FHIP1A: variants seen among roughly 807,000 people sequenced by gnomAD.
FHIP1A encodes the protein FHF complex subunit HOOK interacting protein 1A.
A neutral mutation model predicts 88.6 loss-of-function variants in FHIP1A; 61 were observed. The ratio of observed to expected loss-of-function variants is 0.69; its 90% CI spans 0.56 to 0.85. The LOEUF (loss-of-function observed/expected upper bound fraction) is 0.85. Ranked by LOEUF, FHIP1A falls within the 40% of genes least tolerant of loss-of-function variation. The probability of loss-of-function intolerance (pLI) is 0.00; values close to 1 mark genes in which losing one functional copy is unlikely to be tolerated. For synonymous variants in FHIP1A, 478 were observed against 496.0 expected, an observed-to-expected ratio of 0.96 and a Z score of 0.48; for missense variants, 1,154 against 1,273.5, an observed-to-expected ratio of 0.91 and a Z score of 1.43.
At chr4:151,431,647 T>G (rs2126541068) in intron 1 of FHIP1A, among the ~76,000 whole-genome samples, 1 of 152,348 alleles carries the variant, frequency 6.6e-6, no homozygotes, top group South Asian at 2.1e-4. Flanking sequence ...GTTCACTGGA[T>G]GAGCACTGCA....
intron 2 of FHIP1A, among the ~76,000 whole-genome samples, chr4:151,480,247 A>T (rs917802634): frequency 2.0e-5 from 3 of 152,040 alleles, no homozygotes; most frequent in Non-Finnish European, 4.4e-5. Flanking sequence ...ATGGTAAAAT[A>T]TAAGAGTGGT....
At chr4:151,660,846 A>G (rs1223750997) in intron 13 of FHIP1A, among the ~76,000 whole-genome samples, 2 of 152,250 alleles carry the variant, frequency 1.3e-5, no homozygotes, top group Non-Finnish European at 2.9e-5. Context: ...ACACCCATTC[A>G]GAGGTCCCTG....
chr4:151,450,441 C>T (rs966095010), intron 1 of FHIP1A, among the ~76,000 whole-genome samples: 4 of 151,924 alleles, frequency 2.6e-5, no homozygotes, highest in South Asian at 2.1e-4. Context: ...ATGGATATAC[C>T]GTTATTTATT....
chr4:151,502,356 T>C (rs1355102021), intron 3 of FHIP1A, among the ~76,000 whole-genome samples: 2 of 145,768 alleles, frequency 1.4e-5, no homozygotes, highest in African/African-American at 5.1e-5. Context: ...ACAAACAAAC[T>C]AAAGGAAATC....
chr4:151,555,046 TC>T (rs1187949216), intron 3 of FHIP1A, among the ~76,000 whole-genome samples: 1 of 152,122 alleles, frequency 6.6e-6, no homozygotes, highest in South Asian at 2.1e-4. Flanking sequence ...TTTGTGGTTC[TC>T]CCCCCAATCA....
At chr4:151,580,583 T>G (rs1733983800) in intron 5 of FHIP1A, among the ~76,000 whole-genome samples, 1 of 152,230 alleles carries the variant, frequency 6.6e-6, no homozygotes, top group South Asian at 2.1e-4. Flanking sequence ...ACTGAATATT[T>G]GCCTACTGTG....
intron 5 of FHIP1A, among the ~76,000 whole-genome samples, chr4:151,579,228 C>T (rs570289400): frequency 6.0e-4 from 92 of 152,198 alleles, no homozygotes; most frequent in South Asian, 4.6e-3. Context: ...ACTGAGTGAG[C>T]GCTCATGTAA....
Position 151,566,287 on chromosome 4 carries a change from A to T in FHIP1A, c.28A>T (p.Lys10Ter). MMSSVSTES[K>*]LQQAVSLQGV... ...GATGTCATCGGTTTCGACAGAAAGC[A>T]AACTCCAGCAGGCTGTGAGCCTACA... is the stretch of plus-strand genomic sequence containing the variant. The change falls in exon 4 of 14, where the codon AAA (lysine) becomes TAA (stop). Residue 10 changes from lysine (K) to a stop codon, truncating the protein, a stop_gained. Coordinates refer to ENST00000435205, the MANE Select transcript of FHIP1A (RefSeq NM_001109977.3). LOFTEE classifies it high-confidence loss of function. The T allele has an allele frequency of 6.4e-7, 1 of 1,550,680 alleles. No homozygotes were observed. The highest frequency in any genetic ancestry group is 8.7e-7 in the Non-Finnish European group (1 of 1,146,250).
intron 5 of FHIP1A, among the ~76,000 whole-genome samples, chr4:151,584,573 C>A (rs1049701347): frequency 1.3e-5 from 2 of 152,062 alleles, no homozygotes; most frequent in Admixed American, 6.6e-5. Context: ...GCTTGAGGTC[C>A]CATCTACATG....
At chr4:151,625,466 C>G (rs1735917535) in intron 7 of FHIP1A, among the ~76,000 whole-genome samples, 1 of 152,166 alleles carries the variant, frequency 6.6e-6, no homozygotes, top group Non-Finnish European at 1.5e-5. Context: ...ACACATAAAC[C>G]TGCCATTACA....
intron 3 of FHIP1A, among the ~76,000 whole-genome samples, chr4:151,523,865 T>G (rs1236347540): frequency 6.6e-6 from 1 of 152,216 alleles, no homozygotes; most frequent in East Asian, 1.9e-4. Flanking sequence ...TTAATTGACA[T>G]AAGTGCAGCC....
chr4:151,602,099 C>T (rs767662349), intron 7 of FHIP1A, among the ~76,000 whole-genome samples: 11 of 152,038 alleles, frequency 7.2e-5, no homozygotes, highest in Admixed American at 1.3e-4. Context: ...GTCCTTCCCA[C>T]GACATGTGGG....
intron 4 of FHIP1A, among the ~76,000 whole-genome samples, chr4:151,568,012 A>G (rs1232228434): frequency 6.6e-6 from 1 of 152,126 alleles, no homozygotes; most frequent in Non-Finnish European, 1.5e-5. Context: ...GCCACTTCCC[A>G]AAGACATGAT....
chr4:151,595,390 A>G (rs999573048), intron 7 of FHIP1A, among the ~76,000 whole-genome samples: 1 of 152,156 alleles, frequency 6.6e-6, no homozygotes, highest in African/African-American at 2.4e-5. Flanking sequence ...GGTTGGTCTG[A>G]GAGACTGTTA....
At chr4:151,592,087 T>A (rs1001448112) in intron 7 of FHIP1A, among the ~76,000 whole-genome samples, 2 of 152,202 alleles carry the variant, frequency 1.3e-5, no homozygotes, top group African/African-American at 4.8e-5. Flanking sequence ...CCGCCAACAG[T>A]ATAAAAGTGC....
At chr4:151,428,988 T>C (rs1297604107) in intron 1 of FHIP1A, among the ~76,000 whole-genome samples, 3 of 152,258 alleles carry the variant, frequency 2.0e-5, no homozygotes, top group East Asian at 1.9e-4. Flanking sequence ...GTATCTTTTT[T>C]TCCCATTGGA....
intron 1 of FHIP1A, among the ~76,000 whole-genome samples, chr4:151,422,931 C>A (rs1733230610): frequency 1.3e-5 from 2 of 152,188 alleles, no homozygotes; most frequent in East Asian, 3.8e-4. Context: ...TAGCCCCTCT[C>A]TTTCTAAGCT....
intron 3 of FHIP1A, among the ~76,000 whole-genome samples, chr4:151,537,615 T>C (rs2126722032): frequency 6.6e-6 from 1 of 152,348 alleles, no homozygotes; most frequent in African/African-American, 2.4e-5. Context: ...GTTCAATTCA[T>C]CAGTTTTTTC....
At chr4:151,654,990 G>A (rs1406532815) in intron 11 of FHIP1A, among the ~76,000 whole-genome samples, 1 of 152,176 alleles carries the variant, frequency 6.6e-6, no homozygotes. Flanking sequence ...CCCCTGTGTG[G>A]TAAAGGTTTC....
Sources: gnomAD v4.1 joint callset for allele counts (sites outside exome capture counted in the v4.1 genomes callset) on GRCh38, gnomAD v4.1.1 for gene constraint, MANE v1.5 for transcripts, NCBI Gene and HGNC (gene_info 2026-07-23, HGNC 2026-07-21) for gene names.